The following SLC27A1 variants were observed in gnomAD, a reference collection of about 807,000 sequenced individuals.
SLC27A1 encodes solute carrier family 27 member 1.
SLC27A1 carries 61 observed loss-of-function variants against 62.2 expected under a neutral mutation model. The ratio of observed to expected loss-of-function variants is 0.98; its 90% CI spans 0.80 to 1.21. The LOEUF (loss-of-function observed/expected upper bound fraction) is 1.21. Ranked by LOEUF, SLC27A1 falls within the 50% of genes most tolerant of loss-of-function variation. The pLI is 0.00. For synonymous variants in SLC27A1, 435 were observed against 408.6 expected (o/e 1.06, Z -0.78); for missense variants, 903 against 932.1 (o/e 0.97, Z 0.41).
At chr19:17,491,751 G>A (rs1325343554) in intron 6 of SLC27A1, among the ~76,000 whole-genome samples, 1 of 152,114 alleles carries the variant, frequency 6.6e-6, no homozygotes, top group African/African-American at 2.4e-5. Context: ...GTTTGTGCCT[G>A]TAGTCCCAGC....
intron 1 of SLC27A1, among the ~76,000 whole-genome samples, chr19:17,478,461 C>T (rs1326952250): frequency 1.1e-4 from 12 of 112,862 alleles, no homozygotes; most frequent in Non-Finnish European, 1.8e-4. Flanking sequence ...AGCAAGACTC[C>T]GTCTCAAAAA....
chr19:17,475,121 G>A (rs1173013413), intron 1 of SLC27A1, among the ~76,000 whole-genome samples: 1 of 152,088 alleles, frequency 6.6e-6, no homozygotes, highest in Non-Finnish European at 1.5e-5. Flanking sequence ...CACCACATTG[G>A]CCAGGCTGGT....
Position 17,504,444 on chromosome 19 carries a change from C to T in SLC27A1, c.1784-11C>T. On this transcript the variant is annotated splice_polypyrimidine_tract_variant and intron_variant, in intron 11 of 11. Transcript: ENST00000252595. ...TGCTCAGCCCTTATCTGCCCCCCAT[C>T]CCCACTATAGGCACCTTCAAGATCC... 1 of 1,614,038 alleles carries T rather than the reference C, an allele frequency of 6.2e-7. No individual in the cohort carries two copies.
rs753914645 is a variant in SLC27A1 at position 17,470,621 on chromosome 19, C to T, written c.81C>T (p.Ser27=). ...LWLLGLPWTW[S]AAAALGVYVG... Reference sequence around the variant, plus strand: ...TGCTGGGGCTGCCGTGGACCTGGAGCGCGGCAGCGGCGCTCGGCGTGTACG... The same window carrying T: ...TGCTGGGGCTGCCGTGGACCTGGAGTGCGGCAGCGGCGCTCGGCGTGTACG... The change falls in exon 1 of 12, where the codon AGC becomes AGT. Residue 27 remains serine, a synonymous_variant. Coordinates refer to ENST00000252595, the MANE Select transcript of SLC27A1 (RefSeq NM_198580.3). 32 of 1,571,388 alleles carry T rather than the reference C, an allele frequency of 2.0e-5. No homozygotes were observed. Among genetic ancestry groups the T allele is most frequent in the Non-Finnish European group, 2.7e-5 (31 of 1,166,564 alleles).
rs2075248109 is a variant in SLC27A1 at position 17,487,460 on chromosome 19, A to C, written c.725A>C (p.Asp242Ala). ...LAQIPSKGMD[D>A]RLFYIYTSGT... ...CCCCTAACACCTGTATCTCCTGCAG[A>C]TCGTCTTTTCTACATCTACACGTCG... is the stretch of plus-strand genomic sequence containing the variant. The change falls in exon 4 of 12, where the codon GAT (aspartate) becomes GCT (alanine). Residue 242 changes from aspartate to alanine, a missense_variant and splice_region_variant. Asp to Ala is a moderately radical substitution (Grantham distance 126, BLOSUM62 -2). Coordinates refer to ENST00000252595, the MANE Select transcript of SLC27A1 (RefSeq NM_198580.3). 4.4e-6 allele frequency: 7 copies of C among 1,597,960 alleles called. No homozygotes were observed. Among genetic ancestry groups the C allele is most frequent in the Non-Finnish European group, 6.0e-6 (7 of 1,175,592 alleles).
chr19:17,493,492 G>A (rs1443571105), intron 6 of SLC27A1, among the ~76,000 whole-genome samples: 1 of 150,878 alleles, frequency 6.6e-6, no homozygotes, highest in East Asian at 1.9e-4. Flanking sequence ...AGGACACAAG[G>A]AGAAAACAAG....
At position 17,504,716 on chromosome 19, in the gene SLC27A1, C is replaced by T. The variant is rs557064087; in HGVS notation, c.*104C>T. The T allele has an allele frequency of 2.1e-5, 31 of 1,448,928 alleles. No homozygotes were observed. The highest frequency in any genetic ancestry group is 4.7e-5 in the South Asian group (4 of 84,328). The allele number at this position is 1,448,928 out of a possible 1,614,324, so 89.8% of individuals were successfully genotyped here. A position where few individuals can be genotyped will look rare whatever the true frequency, so the allele number is the denominator to read the frequency against. ...GCCGCCTAGTACACACCCACCTGGCCGAGCTGTACCTGGCACGGCCCATCC... is the reference window on the plus strand; with the variant it reads ...GCCGCCTAGTACACACCCACCTGGCTGAGCTGTACCTGGCACGGCCCATCC... On this transcript the variant is annotated 3_prime_UTR_variant, in exon 12 of 12. Transcript: ENST00000252595.
intron 7 of SLC27A1, 21 bp downstream of exon 7, chr19:17,497,485 G>T (rs769427194): frequency 6.3e-7 from 1 of 1,590,148 alleles, no homozygotes; most frequent in Non-Finnish European, 8.5e-7. Flanking sequence ...GCAGGGCCCC[G>T]GGGCAGGTCT....
At chr19:17,479,758 C>T (rs934436135) in intron 1 of SLC27A1, among the ~76,000 whole-genome samples, 3 of 152,030 alleles carry the variant, frequency 2.0e-5, no homozygotes, top group Non-Finnish European at 2.9e-5. Context: ...ATTCTTGTGC[C>T]TCACACTTTT....
chr19:17,497,833 A>T (rs1006033733), intron 7 of SLC27A1: 4 of 274,204 alleles, frequency 1.5e-5, no homozygotes, highest in Non-Finnish European at 2.8e-5. Flanking sequence ...TGTTTGAGAC[A>T]GAGTCTCGCT....
intron 1 of SLC27A1, among the ~76,000 whole-genome samples, chr19:17,480,960 T>C (rs2075171967): frequency 6.6e-6 from 1 of 151,872 alleles, no homozygotes; most frequent in Non-Finnish European, 1.5e-5. Context: ...AGTTTTGCTC[T>C]TGTTGCCCAG....
chr19:17,472,726 CG>C (rs2075088674), intron 1 of SLC27A1, among the ~76,000 whole-genome samples: 1 of 151,944 alleles, frequency 6.6e-6, no homozygotes, highest in Admixed American at 6.6e-5. Context: ...GGGGTTTCAC[CG>C]TATTAACCAG....
chr19:17,501,802 CA>C lies in SLC27A1; in HGVS notation c.1783+402del, dbSNP rs71162147. Among the ~76,000 whole-genome samples, 32 of 66,106 alleles carry C rather than the reference CA, an allele frequency of 4.8e-4. 1 individual carries two copies. The highest frequency in any genetic ancestry group is 2.1e-3 in the East Asian group (5 of 2,356). 43.4% of individuals were successfully genotyped at this position (66,106 alleles called of 152,430 possible). On this transcript the variant is annotated intron_variant, in intron 11 of 11. Transcript: ENST00000252595. ...TGGGCGATAGAGTGATACTCTGTCT[CA>C]AAAAAAAAAAAAAAAAAAGAATACC...
intron 7 of SLC27A1, chr19:17,498,038 C>T (rs2075369232): frequency 6.1e-6 from 1 of 164,218 alleles, no homozygotes; most frequent in African/African-American, 2.4e-5. Context: ...CAAGCCCCTC[C>T]CATCCAAGGC....
upstream of SLC27A1, among the ~76,000 whole-genome samples, chr19:17,469,430 C>T (rs1313296557): frequency 1.3e-5 from 2 of 151,896 alleles, no homozygotes; most frequent in African/African-American, 4.8e-5. Flanking sequence ...TTTGGTCCCC[C>T]GGGGTAGAGA....
upstream of SLC27A1, chr19:17,468,795 G>A: frequency 6.5e-6 from 1 of 153,572 alleles, no homozygotes; most frequent in Non-Finnish European, 1.4e-5. Flanking sequence ...GCCAAGGAGA[G>A]CAGAAAACAA....
chr19:17,479,565 A>G (rs1466461359), intron 1 of SLC27A1, among the ~76,000 whole-genome samples: 1 of 152,178 alleles, frequency 6.6e-6, no homozygotes, highest in Non-Finnish European at 1.5e-5. Context: ...TATTTCCCAT[A>G]TGCGAATTTA....
At chr19:17,470,997 G>GGATTTGGGGGGC in intron 1 of SLC27A1, among the ~76,000 whole-genome samples, 1 of 150,004 alleles carries the variant, frequency 6.7e-6, no homozygotes, top group Non-Finnish European at 1.5e-5. Flanking sequence ...TGATCTCAGG[G>GGATTTGGGGGGC]GATTTGGGGG....
At chr19:17,487,629 T>A (rs890238007) in intron 4 of SLC27A1, 100 bp downstream of exon 4, 33 of 1,199,242 alleles carry the variant, frequency 2.8e-5, no homozygotes, top group Middle Eastern at 5.4e-4. Context: ...ATCTCCATGT[T>A]ACCCTGGGGA....
Sources: gnomAD v4.1 joint callset for allele counts (sites outside exome capture counted in the v4.1 genomes callset) on GRCh38, gnomAD v4.1.1 for gene constraint, MANE v1.5 for transcripts, NCBI Gene and HGNC (gene_info 2026-07-23, HGNC 2026-07-21) for gene names.